Variants in ARSF observed in about 807,000 individuals in gnomAD.
ARSF encodes the protein arylsulfatase F.
In ARSF, 33 loss-of-function variants were observed where a neutral mutation model predicts 35.4. The observed-to-expected ratio is 0.93, with a 90% confidence interval of 0.71 to 1.25. The LOEUF is 1.25. ARSF is among the 50% of genes most tolerant of loss of function. The pLI is 0.00. For missense variants in ARSF, 501 were observed against 480.2 expected, an observed-to-expected ratio of 1.04 and a Z score of -0.40; for synonymous variants, 222 against 193.1, an observed-to-expected ratio of 1.15 and a Z score of -1.24.
chrX:3,077,323 AT>A (rs2090160051), intron 4 of ARSF, among the ~76,000 whole-genome samples: 1 of 112,194 alleles, frequency 8.9e-6, no homozygotes, highest in Non-Finnish European at 1.9e-5. Context: ...TCACCAAAAA[AT>A]ATCTTTTTTT....
intron 1 of ARSF, among the ~76,000 whole-genome samples, chrX:3,063,756 A>G (rs765668912): frequency 8.9e-6 from 1 of 111,962 alleles, no homozygotes; most frequent in Non-Finnish European, 1.9e-5. Context: ...AAGGGATGTG[A>G]AGGACCTCTT....
chrX:3,082,166 AC>A (rs1329053980), intron 5 of ARSF, among the ~76,000 whole-genome samples: 2 of 111,450 alleles, frequency 1.8e-5, no homozygotes, highest in Admixed American at 9.6e-5. Flanking sequence ...ACTCACAGGC[AC>A]CCTTTGGTGA....
chrX:3,042,623 T>C (rs1603463849), intron 1 of ARSF, among the ~76,000 whole-genome samples: 1 of 109,369 alleles, frequency 9.1e-6, no homozygotes, highest in Non-Finnish European at 1.9e-5. Context: ...CAGCCTCCCT[T>C]GTAGCTGGGA....
rs192647277 is a variant in ARSF, at chrX:3,084,673, G to A, written c.830+7G>A. On this transcript the variant is annotated splice_region_variant and intron_variant, in intron 6 of 10. Transcript: ENST00000381127. ...CGATTTCCTTTTTAGAAAGGTAAGC[G>A]GAATAATTACAAATTCATGTAATAA... 1.2e-5 allele frequency: 14 copies of A among 1,147,864 alleles called. No homozygotes were observed. The South Asian group carries it at 1.7e-4, about 14-fold the overall frequency. 94.6% of individuals were successfully genotyped at this position (1,147,864 alleles called of 1,213,427 possible).
At chrX:3,081,917 A>G (rs761547524) in intron 5 of ARSF, among the ~76,000 whole-genome samples, 3 of 110,612 alleles carry the variant, frequency 2.7e-5, no homozygotes, top group East Asian at 5.7e-4. Context: ...AATCCCTTCA[A>G]TTTTTGTAAT....
intron 1 of ARSF, among the ~76,000 whole-genome samples, chrX:3,062,100 G>C (rs1333634502): frequency 8.9e-6 from 1 of 111,997 alleles, no homozygotes; most frequent in Non-Finnish European, 1.9e-5. Flanking sequence ...ACAACAAACT[G>C]TCTCTCAGAC....
chrX:3,081,773 A>G (rs150900625), intron 5 of ARSF, among the ~76,000 whole-genome samples: 169 of 111,878 alleles, frequency 1.5e-3, no homozygotes, highest in African/African-American at 5.1e-3. Context: ...TTCACTAAAA[A>G]TGGACCACAC....
intron 5 of ARSF, among the ~76,000 whole-genome samples, chrX:3,082,973 TTATC>T (rs1451101249): frequency 1.8e-5 from 2 of 110,420 alleles, no homozygotes; most frequent in Non-Finnish European, 3.8e-5. Context: ...TCTTATCTAT[TTATC>T]TATCTATCCA....
intron 3 of ARSF, among the ~76,000 whole-genome samples, chrX:3,075,876 C>T (rs1423831215): frequency 5.9e-5 from 4 of 68,223 alleles, no homozygotes; most frequent in Non-Finnish European, 2.8e-5. Context: ...TTCCTCTCTT[C>T]TTCTCTCTCT....
chrX:3,092,976 T>TTG, intron 7 of ARSF, among the ~76,000 whole-genome samples: 1 of 111,572 alleles, frequency 9.0e-6, no homozygotes, highest in Non-Finnish European at 1.9e-5. Context: ...ATCAAAACCA[T>TTG]CCTGGTTAAC....
chrX:3,054,369 C>G (rs978466011), intron 1 of ARSF, among the ~76,000 whole-genome samples: 7 of 111,717 alleles, frequency 6.3e-5, no homozygotes, highest in African/African-American at 2.3e-4. Flanking sequence ...CTTACAAATG[C>G]CTTTCCTCAG....
intron 1 of ARSF, among the ~76,000 whole-genome samples, chrX:3,063,750 GA>G (rs2090052021): frequency 9.0e-6 from 1 of 111,683 alleles, no homozygotes; most frequent in African/African-American, 3.3e-5. Context: ...ACTTACAAGG[GA>G]TGTGAAGGAC....
intron 1 of ARSF, among the ~76,000 whole-genome samples, chrX:3,046,990 C>G (rs1166295710): frequency 9.1e-6 from 1 of 110,084 alleles, no homozygotes; most frequent in African/African-American, 3.3e-5. Context: ...AATGTCGTAA[C>G]ATTTTCAGAA....
At chrX:3,054,328 C>T (rs1349847083) in intron 1 of ARSF, among the ~76,000 whole-genome samples, 2 of 111,629 alleles carry the variant, frequency 1.8e-5, no homozygotes, top group Admixed American at 1.9e-4. Context: ...GGACATCACC[C>T]CCGGTTCTCA....
At chrX:3,051,536 A>G (rs2089997161) in intron 1 of ARSF, among the ~76,000 whole-genome samples, 1 of 112,228 alleles carries the variant, frequency 8.9e-6, no homozygotes, top group African/African-American at 3.2e-5. Flanking sequence ...TGGGGAATGC[A>G]AAGATAATAT....
chrX:3,051,891 G>A (rs140751421), intron 1 of ARSF, among the ~76,000 whole-genome samples: 10 of 110,754 alleles, frequency 9.0e-5, no homozygotes, highest in Admixed American at 3.9e-4. Context: ...TACTTGGGGG[G>A]CTGAGGTGGG....
rs2090456129 is a variant in ARSF, at chrX:3,112,658, AAGGAGTGC to A, written c.*104_*111del. On this transcript the variant is annotated 3_prime_UTR_variant, in exon 11 of 11. Transcript: ENST00000381127. ...CTAACTTTGGTGCTTTCAAGTTGGC[AAGGAGTGC>A]ATTTAATAGTCAATAAATTCATCTA... 9.6e-7 allele frequency: 1 copy of A among 1,042,333 alleles called. No homozygotes were observed. Among genetic ancestry groups the A allele is most frequent in the African/African-American group, 1.9e-5 (1 of 52,158 alleles). The allele number at this position is 1,042,333 out of a possible 1,213,427, so 85.9% of individuals were successfully genotyped here. A position where few individuals can be genotyped will look rare whatever the true frequency, so the allele number is the denominator to read the frequency against.
At chrX:3,085,216 C>T (rs1373029157) in intron 6 of ARSF, among the ~76,000 whole-genome samples, 3 of 108,619 alleles carry the variant, frequency 2.8e-5, no homozygotes, top group Non-Finnish European at 5.7e-5. Context: ...AAATTGTTTA[C>T]GTTAATTTAC....
chrX:3,085,599 T>A (rs2090242507), intron 6 of ARSF, among the ~76,000 whole-genome samples: 1 of 110,946 alleles, frequency 9.0e-6, no homozygotes, highest in Admixed American at 9.8e-5. Context: ...AGGGTATCTA[T>A]CCTCTTGTTG....
Sources: allele counts gnomAD v4.1 joint callset (sites outside exome capture counted in the v4.1 genomes callset), GRCh38; gene constraint gnomAD v4.1.1; transcripts MANE v1.5; gene names NCBI Gene and HGNC (gene_info 2026-07-23, HGNC 2026-07-21).